GNA14: variants seen among roughly 807,000 people sequenced by gnomAD.
The protein encoded by GNA14 is guanine nucleotide-binding protein subunit alpha-14.
A neutral mutation model predicts 42.0 loss-of-function variants in GNA14; 50 were observed. That is an observed-to-expected ratio of 1.19 (90% confidence interval 0.95 to 1.51). The LOEUF (loss-of-function observed/expected upper bound fraction) is 1.51, where lower values mean the gene tolerates loss of function less well. Among genes scored for constraint, GNA14 ranks in the 40% most tolerant of loss-of-function variants. The pLI is 0.00. For missense variants in GNA14, 473 were observed against 446.2 expected (o/e 1.06, Z -0.54); for synonymous variants, 173 against 163.1 (o/e 1.06, Z -0.46).
At chr9:77,428,358 C>T (rs981377950) in intron 5 of GNA14, among the ~76,000 whole-genome samples, 4 of 151,918 alleles carry the variant, frequency 2.6e-5, no homozygotes, top group African/African-American at 7.3e-5. Context: ...GGATTACAGG[C>T]GTGAGCCACC....
At chr9:77,455,744 G>C (rs187580185) in intron 2 of GNA14, among the ~76,000 whole-genome samples, 1 of 152,264 alleles carries the variant, frequency 6.6e-6, no homozygotes, top group African/African-American at 2.4e-5. Flanking sequence ...GGTAGGTTTT[G>C]CCTTGTGGTC....
chr9:77,489,853 G>T (rs1300409478), intron 2 of GNA14, among the ~76,000 whole-genome samples: 1 of 152,176 alleles, frequency 6.6e-6, no homozygotes. Context: ...GCAGTAGCAA[G>T]ATTTATTGCA....
chr9:77,553,620 G>C (rs985951641), intron 1 of GNA14, among the ~76,000 whole-genome samples: 1 of 152,000 alleles, frequency 6.6e-6, no homozygotes, highest in African/African-American at 2.4e-5. Context: ...GTTTGCAAGA[G>C]GGGCAAATTG....
chr9:77,601,459 C>T (rs939762345), intron 1 of GNA14, among the ~76,000 whole-genome samples: 3 of 152,114 alleles, frequency 2.0e-5, no homozygotes, highest in Non-Finnish European at 4.4e-5. Context: ...AGCTCTCTGA[C>T]CTTATATGTT....
At chr9:77,492,069 T>C (rs1836785205) in intron 2 of GNA14, among the ~76,000 whole-genome samples, 1 of 152,114 alleles carries the variant, frequency 6.6e-6, no homozygotes, top group Non-Finnish European at 1.5e-5. Flanking sequence ...AATGGGTCAA[T>C]GAAGAAATTA....
At chr9:77,456,111 T>C (rs765878576) in intron 2 of GNA14, among the ~76,000 whole-genome samples, 36 of 152,192 alleles carry the variant, frequency 2.4e-4, no homozygotes, top group Non-Finnish European at 1.6e-4. Context: ...ATATGATCTT[T>C]ACAACCACTC....
chr9:77,489,906 G>A (rs924232956), intron 2 of GNA14, among the ~76,000 whole-genome samples: 5 of 152,236 alleles, frequency 3.3e-5, no homozygotes, highest in African/African-American at 1.2e-4. Flanking sequence ...AAGGGGACCG[G>A]AGCAGGTTGC....
chr9:77,520,615 G>C lies in GNA14; in HGVS notation c.309+8454C>G, dbSNP rs1046632694. Among the ~76,000 whole-genome samples the C allele has an allele frequency of 5.3e-5, 8 of 152,204 alleles. No homozygotes were observed. In the South Asian group the frequency reaches 1.7e-3, roughly 32 times the overall value. On this transcript the variant is annotated intron_variant, in intron 2 of 6. Transcript: ENST00000341700. ...GAGTCTTGCTCTGTTGCCCAGGCTG[G>C]AGTGCAATGGCAACATCTTGGCTTA...
chr9:77,592,749 T>A (rs564106434), intron 1 of GNA14, among the ~76,000 whole-genome samples: 23 of 152,326 alleles, frequency 1.5e-4, no homozygotes, highest in Admixed American at 9.1e-4. Flanking sequence ...TCCTCTTTTT[T>A]AGCTCCATAT....
chr9:77,569,697 C>A (rs1221234885), intron 1 of GNA14, among the ~76,000 whole-genome samples: 3 of 152,058 alleles, frequency 2.0e-5, no homozygotes, highest in Non-Finnish European at 2.9e-5. Context: ...GTGTCTGCCC[C>A]TGTAAAGTGA....
At chr9:77,509,474 A>T (rs1377315600) in intron 2 of GNA14, among the ~76,000 whole-genome samples, 1 of 152,230 alleles carries the variant, frequency 6.6e-6, no homozygotes, top group Non-Finnish European at 1.5e-5. Flanking sequence ...CCCAAAAGTG[A>T]TAATGCTATG....
intron 2 of GNA14, among the ~76,000 whole-genome samples, chr9:77,487,732 T>C (rs1043425019): frequency 3.9e-5 from 6 of 152,146 alleles, no homozygotes; most frequent in East Asian, 3.9e-4. Flanking sequence ...TGTGGGTAAA[T>C]AGCAGTAAGA....
At chr9:77,633,992 TAAAA>T (rs971014432) in intron 1 of GNA14, among the ~76,000 whole-genome samples, 43 of 152,088 alleles carry the variant, frequency 2.8e-4, no homozygotes, top group African/African-American at 9.6e-4. Context: ...AGAAAAAGAA[TAAAA>T]AAAGACTCGA....
At chr9:77,516,718 C>T (rs1205561231) in intron 2 of GNA14, among the ~76,000 whole-genome samples, 2 of 151,110 alleles carry the variant, frequency 1.3e-5, no homozygotes, top group South Asian at 2.1e-4. Flanking sequence ...AGAGTGAGAC[C>T]CCATTGGGGG....
At chr9:77,471,664 G>T (rs935339296) in intron 2 of GNA14, among the ~76,000 whole-genome samples, 1 of 152,088 alleles carries the variant, frequency 6.6e-6, no homozygotes, top group African/African-American at 2.4e-5. Context: ...TATTCAGAAG[G>T]GTAGTTGAGA....
intron 1 of GNA14, among the ~76,000 whole-genome samples, chr9:77,533,607 G>A (rs1391152085): frequency 6.6e-6 from 1 of 152,140 alleles, no homozygotes; most frequent in Non-Finnish European, 1.5e-5. Context: ...AAGACTTAAC[G>A]TCCCTTTCTC....
chr9:77,598,227 G>A (rs1418213761), intron 1 of GNA14, among the ~76,000 whole-genome samples: 4 of 152,068 alleles, frequency 2.6e-5, no homozygotes, highest in Non-Finnish European at 5.9e-5. Context: ...CAAAAAGTTT[G>A]GAGCTCACAC....
At chr9:77,576,247 T>C (rs539112166) in intron 1 of GNA14, among the ~76,000 whole-genome samples, 3 of 152,180 alleles carry the variant, frequency 2.0e-5, no homozygotes, top group Admixed American at 1.3e-4. Flanking sequence ...GAGAGGGTAA[T>C]TTGCTGTTTG....
intron 2 of GNA14, among the ~76,000 whole-genome samples, chr9:77,508,231 C>T (rs1837102008): frequency 6.6e-6 from 1 of 152,134 alleles, no homozygotes; most frequent in Admixed American, 6.5e-5. Context: ...TGCATTTAGA[C>T]CTGCTAAGTG....
Sources: gnomAD v4.1 joint callset for allele counts (sites outside exome capture counted in the v4.1 genomes callset) on GRCh38, gnomAD v4.1.1 for gene constraint, MANE v1.5 for transcripts, NCBI Gene and HGNC (gene_info 2026-07-23, HGNC 2026-07-21) for gene names.